INPP5F: variants seen among roughly 807,000 people sequenced by gnomAD.
The protein encoded by INPP5F is inositol polyphosphate-5-phosphatase F.
In INPP5F, 97 loss-of-function variants were observed where a neutral mutation model predicts 137.2. The ratio of observed to expected loss-of-function variants is 0.71; its 90% CI spans 0.60 to 0.84. The LOEUF is 0.84. Among genes scored for constraint, INPP5F ranks in the 40% least tolerant of loss-of-function variants. INPP5F has a pLI of 0.00. For missense variants in INPP5F, 1,271 were observed against 1,371.9 expected (o/e 0.93, Z 1.16); for synonymous variants, 504 against 476.9 (o/e 1.06, Z -0.74).
At chr10:119,780,171 T>C (rs1407907774) in intron 2 of INPP5F, among the ~76,000 whole-genome samples, 1 of 152,212 alleles carries the variant, frequency 6.6e-6, no homozygotes, top group Non-Finnish European at 1.5e-5. Flanking sequence ...CATCGTTGAC[T>C]GAAACATCAT....
intron 13 of INPP5F, 96 bp from the exon 14 acceptor site, chr10:119,810,004 C>A: frequency 1.4e-6 from 1 of 721,394 alleles, no homozygotes; most frequent in Non-Finnish European, 2.5e-6. Context: ...ATTATAAAAG[C>A]CTGTAGAATT....
At position 119,751,064 on chromosome 10, in the gene INPP5F, A is replaced by T; in HGVS notation, c.98-12A>T. On this transcript the variant is annotated splice_polypyrimidine_tract_variant and intron_variant, in intron 1 of 19. Transcript: ENST00000650623. ...GAATGTTTTCTCATCACTGCTTCCT[A>T]TTTTATTTTAGCTACTGATCTACTT... The T allele has an allele frequency of 6.4e-7, 1 of 1,552,424 alleles. No homozygotes were observed.
intron 2 of INPP5F, among the ~76,000 whole-genome samples, chr10:119,752,892 T>C (rs907675232): frequency 6.6e-6 from 1 of 152,064 alleles, no homozygotes; most frequent in Non-Finnish European, 1.5e-5. Context: ...TTTATGAATA[T>C]ATTGTGATTT....
At chr10:119,772,659 A>C (rs1849401168) in intron 2 of INPP5F, among the ~76,000 whole-genome samples, 1 of 152,208 alleles carries the variant, frequency 6.6e-6, no homozygotes, top group South Asian at 2.1e-4. Flanking sequence ...TTTAGCAATT[A>C]GCTCATCTAC....
At position 119,811,858 on chromosome 10, in the gene INPP5F, GAACTA is replaced by G; in HGVS notation, c.1791_1795del (p.Glu597AspfsTer2). The G allele has an allele frequency of 6.2e-7, 1 of 1,614,104 alleles. No homozygotes were observed. The highest frequency in any genetic ancestry group is 8.5e-7 in the Non-Finnish European group (1 of 1,179,952). On this transcript the variant is annotated frameshift_variant, in exon 15 of 20. Transcript: ENST00000650623. LOFTEE classifies it high-confidence loss of function. ...TAAGGAAAATCAGAGAAGCCACCAGGAACTAATTAGCCAGCTCTTACAAAGTTACA... is the reference window on the plus strand; with the variant it reads ...TAAGGAAAATCAGAGAAGCCACCAGGATTAGCCAGCTCTTACAAAGTTACA...
chr10:119,786,584 T>C (rs1298879106), intron 3 of INPP5F, among the ~76,000 whole-genome samples: 4 of 152,240 alleles, frequency 2.6e-5, no homozygotes, highest in Admixed American at 1.3e-4. Flanking sequence ...AGGGTCTTGC[T>C]CTGTCACACA....
chr10:119,781,879 G>T, intron 3 of INPP5F, 108 bp downstream of exon 3: 2 of 882,352 alleles, frequency 2.3e-6, no homozygotes, highest in Non-Finnish European at 3.3e-6. Flanking sequence ...GCTGGGTAAT[G>T]TTTTTAAAAT....
Position 119,820,901 on chromosome 10 carries a change from G to T in INPP5F, c.1942G>T (p.Ala648Ser), listed in dbSNP as rs368841218. 84 of 1,608,848 alleles carry T rather than the reference G, an allele frequency of 5.2e-5. No individual in the cohort carries two copies. The highest frequency in any genetic ancestry group is 6.9e-5 in the Non-Finnish European group (81 of 1,175,454). ...VDVLLLLSNSAYYVAYYDDEV... is the reference protein window; with the variant it reads ...VDVLLLLSNSSYYVAYYDDEV... ...TGTGCTGTTACTGCTTTCTAACTCT[G>T]CCTACTACGTGGCCTAGTAAGTTGC... Residue 648 changes from alanine to serine, a missense_variant, in exon 16 of 20, where the codon GCC becomes TCC. Physicochemically the swap from Ala to Ser is moderately conservative, Grantham distance 99 (BLOSUM62 1). This residue lies in a region of INPP5F where 593 missense variants were observed against 712.4 expected (regional missense o/e 0.83). Coordinates refer to ENST00000650623, the MANE Select transcript of INPP5F (RefSeq NM_014937.4).
chr10:119,819,418 A>T, intron 15 of INPP5F: 1 of 1,478,634 alleles, frequency 6.8e-7, no homozygotes, highest in East Asian at 2.5e-5. Flanking sequence ...GTAAATATTA[A>T]TGCCAAAATA....
chr10:119,796,522 A>T (rs1459771418), intron 6 of INPP5F, among the ~76,000 whole-genome samples, 193 bp from the exon 7 acceptor site: 5 of 152,158 alleles, frequency 3.3e-5, no homozygotes, highest in Non-Finnish European at 1.5e-5. Context: ...GGCTGTGTTC[A>T]CCATAAAGAA....
At chr10:119,806,169 T>C (rs1282240078) in intron 11 of INPP5F, among the ~76,000 whole-genome samples, 191 bp from the exon 12 acceptor site, 1 of 152,088 alleles carries the variant, frequency 6.6e-6, no homozygotes, top group Non-Finnish European at 1.5e-5. Flanking sequence ...GAGGATAATA[T>C]CTTCCTTGCT....
chr10:119,823,294 C>G (rs1851632712), intron 18 of INPP5F, 95 bp downstream of exon 18: 1 of 1,204,280 alleles, frequency 8.3e-7, no homozygotes. Flanking sequence ...TCATAACCAA[C>G]TGAATGAGAG....
intron 11 of INPP5F, 33 bp from the exon 12 acceptor site, chr10:119,806,327 A>T (rs192353046): frequency 1.4e-6 from 2 of 1,416,780 alleles, no homozygotes; most frequent in Admixed American, 4.9e-5. Context: ...ATTATTTTAT[A>T]TTGTAAAATA....
Position 119,797,572 on chromosome 10 carries a change from G to A in INPP5F, c.980G>A (p.Arg327Gln). The change falls in exon 8 of 20, where the codon CGA becomes CAA. Residue 327 changes from arginine to glutamine, a missense_variant. This residue lies in a region of INPP5F where 593 missense variants were observed against 712.4 expected (regional missense o/e 0.83). Transcript: ENST00000650623. ...CATACCCTGTCATTTGTTCAAACAC[G>A]AGGCTCTGTGCCTGTCTTTTGGAGC... ...HNHTLSFVQT[R>Q]GSVPVFWSQV... 2 of 1,613,300 alleles carry A rather than the reference G, an allele frequency of 1.2e-6. No individual in the cohort carries two copies. Among genetic ancestry groups the A allele is most frequent in the Non-Finnish European group, 8.5e-7 (1 of 1,179,652 alleles).
rs1252692690 is a variant in INPP5F, at chr10:119,726,328, C to T, written c.66C>T (p.Ser22=). 1.4e-6 allele frequency: 2 copies of T among 1,471,552 alleles called. No individual in the cohort carries two copies. Among genetic ancestry groups the T allele is most frequent in the Non-Finnish European group, 1.8e-6 (2 of 1,108,548 alleles). The allele number at this position is 1,471,552 out of a possible 1,614,324, so 91.2% of individuals were successfully genotyped here. Residue 22 remains serine (S), a synonymous_variant, in exon 1 of 20, where the codon AGC becomes AGT. Coordinates refer to ENST00000650623, the MANE Select transcript of INPP5F (RefSeq NM_014937.4). ...AGGGCGAGCGCGCGCTGTGGTGCAG[C>T]CGCCGCGACGGCGGCCTCCAGCTCC... is the stretch of plus-strand genomic sequence containing the variant. ...LQQGERALWC[S]RRDGGLQLRP...
chr10:119,820,402 G>GC (rs1851508407), intron 15 of INPP5F, among the ~76,000 whole-genome samples: 1 of 152,182 alleles, frequency 6.6e-6, no homozygotes, highest in African/African-American at 2.4e-5. Flanking sequence ...TTCAAAAGAT[G>GC]CCTTCCACAT....
rs758663127 is a variant in INPP5F, at chr10:119,826,952, A to C, written c.2571A>C (p.Ser857=). Residue 857 remains serine (S), a synonymous_variant, in exon 20 of 20, where the codon TCA becomes TCC. Coordinates refer to ENST00000650623, the MANE Select transcript of INPP5F (RefSeq NM_014937.4). ...SDGDMSSDND[S]YHSDEFLTNS... is the part of the protein sequence containing the mutation. ...GGGACATGTCTTCAGATAATGACTC[A>C]TACCACTCTGATGAATTCCTTACAA... The C allele has an allele frequency of 2.5e-6, 4 of 1,613,918 alleles. No individual in the cohort carries two copies. In the East Asian group the frequency reaches 6.7e-5, roughly 27 times the overall value.
chr10:119,748,628 G>C lies in INPP5F; in HGVS notation c.98-2448G>C, dbSNP rs574451836. On this transcript the variant is annotated intron_variant, in intron 1 of 19. Transcript: ENST00000650623. This position sits in a 1 kb window ranked among gnomAD's most constrained non-coding sequence, Gnocchi z 4.7. ...GGTCATCCAATGAGGAGACCCGAAG[G>C]GGGCAGCTCCCTCCCGCAGCTGGTG... 1.8e-4 allele frequency among the ~76,000 whole-genome samples: 28 copies of C among 152,292 alleles called. No individual in the cohort carries two copies. The highest frequency in any genetic ancestry group is 6.0e-4 in the African/African-American group (25 of 41,554).
intron 1 of INPP5F, among the ~76,000 whole-genome samples, chr10:119,745,944 C>T (rs183244045): frequency 3.8e-4 from 57 of 151,952 alleles, no homozygotes; most frequent in Non-Finnish European, 6.9e-4. Flanking sequence ...ACCTGTGATC[C>T]GCCCGCCTTG....
Sources: gnomAD v4.1 joint callset for allele counts (sites outside exome capture counted in the v4.1 genomes callset) on GRCh38, gnomAD v4.1.1 for gene constraint, gnomAD v4.1.1 regional missense constraint, Gnocchi (gnomAD v3.1) non-coding constraint, MANE v1.5 for transcripts, NCBI Gene and HGNC (gene_info 2026-07-23, HGNC 2026-07-21) for gene names.